AFG1L: variants seen among roughly 807,000 people sequenced by gnomAD.
AFG1L encodes AFG1 like ATPase.
Under a neutral mutation model 62.2 loss-of-function variants are expected in AFG1L, and 53 were observed. The ratio of observed to expected loss-of-function variants is 0.85; its 90% CI spans 0.68 to 1.07. The LOEUF (loss-of-function observed/expected upper bound fraction) is 1.07, where lower values mean the gene tolerates loss of function less well. AFG1L is among the 50% of genes least tolerant of loss of function. The pLI, the probability that AFG1L is intolerant of heterozygous loss-of-function variation, is 0.00. For synonymous variants in AFG1L, 228 were observed against 210.3 expected (o/e 1.08, Z -0.73); for missense variants, 555 against 590.5 (o/e 0.94, Z 0.62).
At chr6:108,373,794 T>C (rs1348201874) in intron 6 of AFG1L, among the ~76,000 whole-genome samples, 3 of 152,024 alleles carry the variant, frequency 2.0e-5, no homozygotes, top group Admixed American at 6.6e-5. Flanking sequence ...GCCAGACTGG[T>C]CTCGAACTCC....
Position 108,382,356 on chromosome 6 carries a change from A to G in AFG1L, c.748+16024A>G, listed in dbSNP as rs183830938. Among the ~76,000 whole-genome samples, 111 of 152,284 alleles carry G rather than the reference A, an allele frequency of 7.3e-4. No individual in the cohort carries two copies. The Middle Eastern group carries it at 0.01, about 14-fold the overall frequency. On this transcript the variant is annotated intron_variant, in intron 6 of 12. Transcript: ENST00000368977. ...GATAGCATTAGAATGTCAAAATAAT[A>G]CTATTTTTCTTAGATTATCAGGCAA...
intron 6 of AFG1L, among the ~76,000 whole-genome samples, chr6:108,378,329 T>C (rs140492313): frequency 3.3e-5 from 5 of 152,198 alleles, no homozygotes; most frequent in Admixed American, 6.5e-5. Context: ...TTTGTTTGTT[T>C]GTTTTTTTGA....
chr6:108,323,168 G>A (rs76151988), intron 1 of AFG1L, among the ~76,000 whole-genome samples: 44 of 152,214 alleles, frequency 2.9e-4, no homozygotes, highest in Non-Finnish European at 3.7e-4. Flanking sequence ...ACCAGAATTA[G>A]GGTTTACTCA....
At chr6:108,505,202 T>C (rs572798136) in intron 10 of AFG1L, among the ~76,000 whole-genome samples, 34 of 151,898 alleles carry the variant, frequency 2.2e-4, no homozygotes, top group African/African-American at 8.0e-4. Context: ...CAAGCGATTC[T>C]CCTGCCTCAG....
At chr6:108,435,882 A>G (rs1771287617) in intron 7 of AFG1L, among the ~76,000 whole-genome samples, 1 of 152,176 alleles carries the variant, frequency 6.6e-6, no homozygotes, top group Non-Finnish European at 1.5e-5. Flanking sequence ...AGAGCTTTAC[A>G]CATATGTGTC....
chr6:108,334,203 C>T (rs1429168922), intron 2 of AFG1L, among the ~76,000 whole-genome samples: 1 of 152,148 alleles, frequency 6.6e-6, no homozygotes, highest in African/African-American at 2.4e-5. Flanking sequence ...TGCTGTGTTT[C>T]ACCGTGTTGG....
intron 5 of AFG1L, chr6:108,359,741 C>T (rs1779449435): frequency 6.6e-6 from 1 of 152,194 alleles, no homozygotes; most frequent in African/African-American, 2.4e-5. Flanking sequence ...CAGAGGGAAG[C>T]TCTTCTTAGT....
chr6:108,331,090 C>A lies in AFG1L; in HGVS notation c.363+7042C>A, dbSNP rs1778260987. On this transcript the variant is annotated intron_variant, in intron 2 of 12. Transcript: ENST00000368977. ...ATTGCTTGAGGCCAGGAGTTTGAGACCAGCCTGGCCAACATAGGGAGACCC... is the reference window on the plus strand; with the variant it reads ...ATTGCTTGAGGCCAGGAGTTTGAGAACAGCCTGGCCAACATAGGGAGACCC... Among the ~76,000 whole-genome samples the A allele has an allele frequency of 2.6e-5, 4 of 151,882 alleles. No homozygotes were observed. In the South Asian group the frequency reaches 8.3e-4, roughly 32 times the overall value.
At chr6:108,522,121 G>T in intron 12 of AFG1L, 176 bp from the exon 13 acceptor site, 1 of 483,466 alleles carries the variant, frequency 2.1e-6, no homozygotes. Context: ...CTGCCTATCA[G>T]TTTAAATTGG....
Position 108,399,185 on chromosome 6 carries a change from T to G in AFG1L, c.749-2811T>G, listed in dbSNP as rs111496136. ...CTGTCACTTCTTTTGTTTGTTTTTTTTTTTTTTTTTTTTTTTTTTTTGAGA... is the reference window on the plus strand; with the variant it reads ...CTGTCACTTCTTTTGTTTGTTTTTTGTTTTTTTTTTTTTTTTTTTTTGAGA... On this transcript the variant is annotated intron_variant, in intron 6 of 12. Transcript: ENST00000368977. Among the ~76,000 whole-genome samples, 129 of 121,830 alleles carry G rather than the reference T, an allele frequency of 1.1e-3. 1 individual carries two copies. Among genetic ancestry groups the G allele is most frequent in the South Asian group, 3.3e-3 (11 of 3,310 alleles). The allele number at this position is 121,830 out of a possible 152,430, so 79.9% of individuals were successfully genotyped here. A position where few individuals can be genotyped will look rare whatever the true frequency, so the allele number is the denominator to read the frequency against.
chr6:108,366,328 G>T lies in AFG1L; in HGVS notation c.744G>T (p.Pro248=), dbSNP rs550961035. The change falls in exon 6 of 13, where the codon CCG becomes CCT. Residue 248 remains proline (P), a synonymous_variant. Coordinates refer to ENST00000368977, the MANE Select transcript of AFG1L (RefSeq NM_145315.5). The part of the protein sequence containing the change: ...VVVVATSNRP[P]EDLYKNGLQR... ...TTGTGGCAACATCCAACAGGCCACC[G>T]GAAGGTAAAAACAAACATTGTGCTA... is the stretch of plus-strand genomic sequence containing the variant. 1 of 1,606,764 alleles carries T rather than the reference G, an allele frequency of 6.2e-7. No individual in the cohort carries two copies. The highest frequency in any genetic ancestry group is 1.1e-5 in the South Asian group (1 of 90,608).
At chr6:108,328,967 G>A (rs1201362378) in intron 2 of AFG1L, among the ~76,000 whole-genome samples, 2 of 152,174 alleles carry the variant, frequency 1.3e-5, no homozygotes, top group Non-Finnish European at 2.9e-5. Context: ...TTTCAAATGT[G>A]TCTAATGAAA....
chr6:108,318,313 C>T, intron 1 of AFG1L: 1 of 398,098 alleles, frequency 2.5e-6, no homozygotes, highest in South Asian at 2.3e-5. Flanking sequence ...GCGTTGAGCC[C>T]AACTGCAGAT....
intron 6 of AFG1L, among the ~76,000 whole-genome samples, chr6:108,370,730 G>A (rs1779967517): frequency 6.6e-6 from 1 of 152,152 alleles, no homozygotes; most frequent in Non-Finnish European, 1.5e-5. Flanking sequence ...TTGTACAGCT[G>A]GGTGAATGGT....
chr6:108,421,954 T>C (rs1770612267), intron 7 of AFG1L, among the ~76,000 whole-genome samples: 3 of 152,166 alleles, frequency 2.0e-5, no homozygotes, highest in African/African-American at 7.2e-5. Flanking sequence ...AGATGCTTGC[T>C]ATATTCCCTT....
intron 6 of AFG1L, among the ~76,000 whole-genome samples, chr6:108,376,771 C>G (rs1780265859): frequency 6.6e-6 from 1 of 152,068 alleles, no homozygotes; most frequent in Admixed American, 6.6e-5. Context: ...CTGTACATAT[C>G]TATTAGTCCA....
At chr6:108,296,078 T>C (rs768720490) in intron 1 of AFG1L, among the ~76,000 whole-genome samples, 1 of 152,248 alleles carries the variant, frequency 6.6e-6, no homozygotes, top group Non-Finnish European at 1.5e-5. Context: ...ATAAGGTATA[T>C]ACCTTAATAG....
chr6:108,320,683 G>T (rs1013374951), intron 1 of AFG1L, among the ~76,000 whole-genome samples: 4 of 152,086 alleles, frequency 2.6e-5, no homozygotes, highest in African/African-American at 9.7e-5. Context: ...TAGGTGTCTG[G>T]AATTTCCCTT....
intron 6 of AFG1L, among the ~76,000 whole-genome samples, chr6:108,390,745 A>G (rs112565222): frequency 0.028 from 4,336 of 152,298 alleles, 95 homozygotes; most frequent in Middle Eastern, 0.085. Flanking sequence ...TCAGAGGGGT[A>G]CCCACTGTGT....
Sources: allele counts gnomAD v4.1 joint callset (sites outside exome capture counted in the v4.1 genomes callset), GRCh38; gene constraint gnomAD v4.1.1; transcripts MANE v1.5; gene names NCBI Gene and HGNC (gene_info 2026-07-23, HGNC 2026-07-21).